VSTM4: variants seen among roughly 807,000 people sequenced by gnomAD.
VSTM4 encodes V-set and transmembrane domain-containing protein 4.
Under a neutral mutation model 36.4 loss-of-function variants are expected in VSTM4, and 20 were observed. That is an observed-to-expected ratio of 0.55 (90% confidence interval 0.39 to 0.80). The LOEUF (loss-of-function observed/expected upper bound fraction) is 0.80. Among genes scored for constraint, VSTM4 ranks in the 30% least tolerant of loss-of-function variants. The pLI, the probability that VSTM4 is intolerant of heterozygous loss-of-function variation, is 0.00. For synonymous variants in VSTM4, 182 were observed against 173.9 expected, an observed-to-expected ratio of 1.05 and a Z score of -0.37; for missense variants, 392 against 404.5, an observed-to-expected ratio of 0.97 and a Z score of 0.26.
chr10:49,096,594 A>AG (rs926502418), intron 2 of VSTM4, among the ~76,000 whole-genome samples: 1 of 147,342 alleles, frequency 6.8e-6, no homozygotes, highest in African/African-American at 2.5e-5. Context: ...TGTGGGTTGT[A>AG]GGATTGGGTT....
At chr10:49,025,334 T>C (rs1843243759) in intron 7 of VSTM4, among the ~76,000 whole-genome samples, 1 of 151,290 alleles carries the variant, frequency 6.6e-6, no homozygotes, top group Non-Finnish European at 1.5e-5. Context: ...CCTGATAGGG[T>C]GGGAGAATAT....
chr10:49,080,618 TGGAA>T (rs2131995315), intron 3 of VSTM4, among the ~76,000 whole-genome samples: 1 of 152,278 alleles, frequency 6.6e-6, no homozygotes, highest in Admixed American at 6.5e-5. Context: ...GGCAGGTGTG[TGGAA>T]GGGAGTCTCC....
intron 2 of VSTM4, chr10:49,103,530 G>A: frequency 7.7e-7 from 1 of 1,298,584 alleles, no homozygotes; most frequent in East Asian, 3.0e-5. Flanking sequence ...TTTTGCAATA[G>A]AAAACAACCA....
intron 7 of VSTM4, among the ~76,000 whole-genome samples, chr10:49,034,061 CCATT>C (rs1378894576): frequency 5.3e-5 from 8 of 151,664 alleles, no homozygotes; most frequent in African/African-American, 1.9e-4. Context: ...ATCAATATTA[CCATT>C]ATTATTACCA....
chr10:49,103,514 T>C (rs1481348289), intron 2 of VSTM4: 2 of 1,274,164 alleles, frequency 1.6e-6, no homozygotes, highest in Middle Eastern at 3.0e-4. Flanking sequence ...TATTACACTA[T>C]ATTACTTTTG....
chr10:49,048,713 A>T, intron 5 of VSTM4, 129 bp from the exon 6 acceptor site: 2 of 704,220 alleles, frequency 2.8e-6, no homozygotes, highest in East Asian at 5.9e-5. Flanking sequence ...AGGGAAGGTT[A>T]TCATATGGGT....
At chr10:49,030,976 A>G (rs1162092006) in intron 7 of VSTM4, among the ~76,000 whole-genome samples, 1 of 152,206 alleles carries the variant, frequency 6.6e-6, no homozygotes, top group Admixed American at 6.5e-5. Context: ...ATGGTCTAAC[A>G]TGGTCATTCA....
chr10:49,019,500 T>C lies in VSTM4; in HGVS notation c.*150A>G. ...CTTTTGGGGAGAGCAGGCTTGTACC[T>C]CTTCAAAGGCACCCAGAATGCTGCT... is the stretch of plus-strand genomic sequence containing the variant. On this transcript the variant is annotated 3_prime_UTR_variant, in exon 8 of 8. Coordinates refer to ENST00000332853, the MANE Select transcript of VSTM4 (RefSeq NM_001031746.5). 1.7e-6 allele frequency: 2 copies of C among 1,167,510 alleles called. No homozygotes were observed. The highest frequency in any genetic ancestry group is 5.6e-5 in the Admixed American group (2 of 35,972). The allele number at this position is 1,167,510 out of a possible 1,614,324, so 72.3% of individuals were successfully genotyped here.
intron 5 of VSTM4, among the ~76,000 whole-genome samples, chr10:49,059,448 A>G (rs12774293): frequency 0.37 from 56,934 of 152,084 alleles, 11,928 homozygotes; most frequent in African/African-American, 0.57. Flanking sequence ...ACCAGGCTGG[A>G]ATGACATCCT....
Position 49,090,524 on chromosome 10 carries a change from T to C in VSTM4, c.458-4501A>G, listed in dbSNP as rs80153883. Among the ~76,000 whole-genome samples, 492 of 152,046 alleles carry C rather than the reference T, an allele frequency of 3.2e-3. 4 individuals are homozygous for C. The highest frequency in any genetic ancestry group is 0.011 in the African/African-American group (459 of 41,468). ...TGGACTCTGCTGCTCTGTGCTCAGG[T>C]TTTCATGATAGGGAGGAGAAATGAG... is the stretch of plus-strand genomic sequence containing the variant. On this transcript the variant is annotated intron_variant, in intron 2 of 7. Transcript: ENST00000332853.
At chr10:49,078,560 A>G (rs1423170883) in intron 3 of VSTM4, among the ~76,000 whole-genome samples, 1 of 151,758 alleles carries the variant, frequency 6.6e-6, no homozygotes, top group African/African-American at 2.4e-5. Flanking sequence ...TACATTCTTG[A>G]TATGACATTC....
At chr10:49,044,407 GA>G (rs150405659) in intron 7 of VSTM4, among the ~76,000 whole-genome samples, 1,329 of 128,812 alleles carry the variant, frequency 0.01, 14 homozygotes, top group African/African-American at 0.031. Context: ...GAAAGAAAAA[GA>G]AAGAGAGAAA....
At chr10:49,112,760 A>T (rs924412977) in intron 1 of VSTM4, among the ~76,000 whole-genome samples, 1 of 152,236 alleles carries the variant, frequency 6.6e-6, no homozygotes, top group African/African-American at 2.4e-5. Context: ...CCACATTTTC[A>T]TTTGACACTG....
At chr10:49,077,370 G>A (rs752454291) in intron 3 of VSTM4, 44 bp from the exon 4 acceptor site, 26 of 1,564,826 alleles carry the variant, frequency 1.7e-5, no homozygotes, top group African/African-American at 2.7e-5. Context: ...TCTGGGGGCC[G>A]CAGCAGAAGT....
At chr10:49,086,993 G>A (rs1475202528) in intron 2 of VSTM4, among the ~76,000 whole-genome samples, 2 of 152,176 alleles carry the variant, frequency 1.3e-5, no homozygotes, top group Non-Finnish European at 1.5e-5. Context: ...GGCAAAGATG[G>A]CCTAGAACTT....
chr10:49,024,241 T>C (rs2243994), intron 7 of VSTM4, among the ~76,000 whole-genome samples: 102,900 of 152,028 alleles, frequency 0.68, 36,614 homozygotes, highest in Non-Finnish European at 0.8. Flanking sequence ...GTGTCTCAAA[T>C]CCCTTGTTTC....
In VSTM4 at chr10:49,060,345, C is replaced by T. The variant is rs527639757; in HGVS notation, c.668+4358G>A. ...GCAATGTACAAAGATCCAATTTCTC[C>T]ACATCTTTGCCAGAAATTGCTATTG... On this transcript the variant is annotated intron_variant, in intron 5 of 7. Transcript: ENST00000332853. Among the ~76,000 whole-genome samples the T allele has an allele frequency of 1.8e-4, 28 of 152,302 alleles. No individual in the cohort carries two copies. In the South Asian group the frequency reaches 5.4e-3, roughly 29 times the overall value.
chr10:49,050,236 T>C (rs1843676657), intron 5 of VSTM4, among the ~76,000 whole-genome samples: 1 of 152,224 alleles, frequency 6.6e-6, no homozygotes, highest in East Asian at 1.9e-4. Context: ...TAAGAATATA[T>C]ATTAGCATTT....
intron 5 of VSTM4, among the ~76,000 whole-genome samples, chr10:49,049,178 G>C (rs1357062285): frequency 6.6e-6 from 1 of 152,184 alleles, no homozygotes; most frequent in Non-Finnish European, 1.5e-5. Flanking sequence ...GGTGAAGGGA[G>C]CTCACCTTGA....
Sources: allele counts gnomAD v4.1 joint callset (sites outside exome capture counted in the v4.1 genomes callset), GRCh38; gene constraint gnomAD v4.1.1; transcripts MANE v1.5; gene names NCBI Gene and HGNC (gene_info 2026-07-23, HGNC 2026-07-21).